Variants in MESD observed in about 807,000 individuals in gnomAD.
MESD encodes mesoderm development LRP chaperone.
In MESD, 7 loss-of-function variants were observed where a neutral mutation model predicts 12.9. That is an observed-to-expected ratio of 0.54 (90% CI 0.31 to 1.02). The LOEUF is 1.02. Ranked by LOEUF, MESD falls within the 50% of genes least tolerant of loss-of-function variation. The pLI is 0.05. For missense variants in MESD, 342 were observed against 296.7 expected, an observed-to-expected ratio of 1.15 and a Z score of -1.12; for synonymous variants, 126 against 115.6, an observed-to-expected ratio of 1.09 and a Z score of -0.58.
intron 1 of MESD, among the ~76,000 whole-genome samples, chr15:80,988,324 C>T (rs1213162867): frequency 6.6e-6 from 1 of 152,198 alleles, no homozygotes; most frequent in Non-Finnish European, 1.5e-5. Context: ...CAAAGTCTCT[C>T]CCCACTCATC....
intron 3 of MESD, among the ~76,000 whole-genome samples, chr15:80,969,928 A>C (rs962522939): frequency 6.6e-6 from 1 of 152,198 alleles, no homozygotes; most frequent in Non-Finnish European, 1.5e-5. Flanking sequence ...CTGAATGGCT[A>C]TGTGCCTCAG....
intron 3 of MESD, among the ~76,000 whole-genome samples, chr15:80,958,238 A>G (rs2141787353): frequency 6.6e-6 from 1 of 152,306 alleles, no homozygotes; most frequent in Non-Finnish European, 1.5e-5. Context: ...TCAGGCTGCT[A>G]CTAGAACATC....
At chr15:80,989,268 C>T (rs1190992517) in intron 1 of MESD, among the ~76,000 whole-genome samples, 1 of 152,130 alleles carries the variant, frequency 6.6e-6, no homozygotes, top group Non-Finnish European at 1.5e-5. Context: ...GCAAAGACAA[C>T]CAGGGCACTG....
In MESD at chr15:80,979,501, T is replaced by C. The variant is rs774766475; in HGVS notation, c.447-24A>G. ...ACCTTGGGCAGAGAGATGCAATCAG[T>C]CAGCCAGCACGTACTAGTAAGGTGC... On this transcript the variant is annotated intron_variant, in intron 2 of 2. Transcript: ENST00000261758. 5.6e-6 allele frequency: 9 copies of C among 1,610,134 alleles called. No individual in the cohort carries two copies. In the Admixed American group the frequency reaches 1.0e-4, roughly 18 times the overall value.
downstream of MESD, among the ~76,000 whole-genome samples, chr15:80,971,255 C>A (rs1019864108): frequency 1.3e-5 from 2 of 152,208 alleles, no homozygotes; most frequent in African/African-American, 4.8e-5. Flanking sequence ...AGGTACCTGA[C>A]AGCCTAGCAT....
rs11425497 is a variant in MESD at position 80,985,639 on chromosome 15, C to CTTTTTTT, written c.214-3464_214-3458dup. 1.3e-3 allele frequency among the ~76,000 whole-genome samples: 113 copies of CTTTTTTT among 89,040 alleles called. 4 individuals carry two copies. Among genetic ancestry groups the CTTTTTTT allele is most frequent in the Non-Finnish European group, 1.6e-3 (77 of 46,888 alleles). The allele number at this position is 89,040 out of a possible 152,430, so 58.4% of individuals were successfully genotyped here. On this transcript the variant is annotated intron_variant, in intron 1 of 2. Coordinates refer to ENST00000261758, the MANE Select transcript of MESD (RefSeq NM_015154.3). ...AATTAACTCAGTAGGTCCCAAGCAG[C>CTTTTTTT]TTTTTTTTTTTTTTTTTTTTTTTTT...
rs372551317 is a variant in MESD at position 80,965,844 on chromosome 15, C to T, written c.*288+13087G>A. On this transcript the variant is annotated intron_variant, in intron 3 of 4. Transcript: ENST00000561312. Reference sequence around the variant, plus strand: ...GGGAAGGATAGCAATAGGAGAAATACCTAATGTAAATGATGAGTTGATGGG... The same window carrying T: ...GGGAAGGATAGCAATAGGAGAAATATCTAATGTAAATGATGAGTTGATGGG... 3.9e-5 allele frequency among the ~76,000 whole-genome samples: 6 copies of T among 152,108 alleles called. No homozygotes were observed. In the East Asian group the frequency reaches 9.6e-4, roughly 24 times the overall value.
chr15:80,964,708 G>C (rs1273761667), intron 3 of MESD, among the ~76,000 whole-genome samples: 1 of 152,108 alleles, frequency 6.6e-6, no homozygotes, highest in Non-Finnish European at 1.5e-5. Context: ...ATGGGGAAAG[G>C]ATTCCCTATT....
At chr15:80,981,027 C>T (rs933635904) in intron 2 of MESD, among the ~76,000 whole-genome samples, 3 of 151,742 alleles carry the variant, frequency 2.0e-5, no homozygotes, top group African/African-American at 7.3e-5. Context: ...GGTTTCCCCA[C>T]GTTGGCCAGG....
At chr15:80,979,734 T>G in intron 2 of MESD, among the ~76,000 whole-genome samples, 1 of 152,222 alleles carries the variant, frequency 6.6e-6, no homozygotes, top group South Asian at 2.1e-4. Flanking sequence ...GATGCCCGTG[T>G]TAAAAGTGAA....
At chr15:80,985,553 C>T (rs1178757861) in intron 1 of MESD, among the ~76,000 whole-genome samples, 1 of 151,490 alleles carries the variant, frequency 6.6e-6, no homozygotes, top group Non-Finnish European at 1.5e-5. Context: ...TCAAGACTTC[C>T]AGTTGGTTCA....
intron 3 of MESD, among the ~76,000 whole-genome samples, chr15:80,963,722 C>T (rs147019265): frequency 4.8e-4 from 73 of 152,268 alleles, no homozygotes; most frequent in African/African-American, 1.8e-3. Context: ...GAACCAACGA[C>T]AAAAACCACA....
intron 1 of MESD, among the ~76,000 whole-genome samples, chr15:80,988,499 G>A (rs901336362): frequency 1.1e-4 from 16 of 152,116 alleles, no homozygotes. Flanking sequence ...AAAGAGACAA[G>A]GAGATTGCAA....
intron 3 of MESD, among the ~76,000 whole-genome samples, chr15:80,962,275 C>T (rs1029141897): frequency 6.6e-6 from 1 of 152,142 alleles, no homozygotes; most frequent in Non-Finnish European, 1.5e-5. Flanking sequence ...GGAATCAATT[C>T]AACAAGAAGA....
intron 3 of MESD, among the ~76,000 whole-genome samples, chr15:80,959,705 C>T (rs1902052437): frequency 6.6e-6 from 1 of 152,126 alleles, no homozygotes; most frequent in South Asian, 2.1e-4. Context: ...CACCTTTGTG[C>T]CCCTGCAGGA....
intron 1 of MESD, among the ~76,000 whole-genome samples, chr15:80,984,930 AC>A (rs1902689295): frequency 6.6e-6 from 1 of 152,240 alleles, no homozygotes; most frequent in Non-Finnish European, 1.5e-5. Flanking sequence ...GGTGATCCAT[AC>A]CGACGTCAGA....
At chr15:80,969,035 T>TA (rs1902232047) in intron 3 of MESD, among the ~76,000 whole-genome samples, 1 of 151,992 alleles carries the variant, frequency 6.6e-6, no homozygotes, top group East Asian at 2.0e-4. Flanking sequence ...CAAAAAATAT[T>TA]AAAAAATTAG....
exon 5 of MESD, chr15:80,947,752 T>G (rs1901624531): frequency 6.5e-6 from 1 of 153,072 alleles, no homozygotes; most frequent in Admixed American, 6.5e-5. Context: ...ATGTTCAGCC[T>G]TGCACTTTGC....
intron 3 of MESD, among the ~76,000 whole-genome samples, chr15:80,969,258 T>C (rs1011828511): frequency 6.6e-6 from 1 of 152,102 alleles, no homozygotes; most frequent in Non-Finnish European, 1.5e-5. Context: ...ATGTCACAGT[T>C]AGGTAAGGAT....
Sources: allele counts gnomAD v4.1 joint callset (sites outside exome capture counted in the v4.1 genomes callset), GRCh38; gene constraint gnomAD v4.1.1; transcripts MANE v1.5; gene names NCBI Gene and HGNC (gene_info 2026-07-23, HGNC 2026-07-21).